The following F11 variants were observed in gnomAD, a reference collection of about 807,000 sequenced individuals.
The protein encoded by F11 is coagualtion factor XI.
F11 carries 78 observed loss-of-function variants against 76.5 expected under a neutral mutation model. That is an observed-to-expected ratio of 1.02 (90% CI 0.85 to 1.23). F11 has a LOEUF of 1.23. Among genes scored for constraint, F11 ranks in the 50% most tolerant of loss-of-function variants. F11 has a pLI of 0.00. For synonymous variants in F11, 278 were observed against 276.3 expected (o/e 1.01, Z -0.06); for missense variants, 742 against 771.4 (o/e 0.96, Z 0.45).
intron 7 of F11, among the ~76,000 whole-genome samples, chr4:186,278,495 C>G (rs1430441050): frequency 6.6e-6 from 1 of 152,076 alleles, no homozygotes; most frequent in African/African-American, 2.4e-5. Flanking sequence ...GCCTATTGGA[C>G]CAGAGTGGAG....
At chr4:186,275,231 C>G in intron 5 of F11, 1 of 454,418 alleles carries the variant, frequency 2.2e-6, no homozygotes, top group Non-Finnish European at 4.4e-6. Flanking sequence ...TGGCTCACAC[C>G]TGTAATCCCA....
At chr4:186,290,020 ATGCTGAGC>A (rs1382994532), downstream of F11, among the ~76,000 whole-genome samples, 1 of 152,148 alleles carries the variant, frequency 6.6e-6, no homozygotes, top group African/African-American at 2.4e-5. Context: ...TGAGAGCATC[ATGCTGAGC>A]TTTGAAGATA....
chr4:186,281,694 A>C (rs1405412561), intron 10 of F11, among the ~76,000 whole-genome samples: 6 of 152,332 alleles, frequency 3.9e-5, no homozygotes, highest in African/African-American at 1.4e-4. Context: ...TATACTGTTT[A>C]TTGCCAAATG....
At chr4:186,273,612 C>G (rs1740147742) in intron 4 of F11, among the ~76,000 whole-genome samples, 1 of 152,052 alleles carries the variant, frequency 6.6e-6, no homozygotes, top group African/African-American at 2.4e-5. Flanking sequence ...ACCAACATTC[C>G]CAGCTAATTT....
chr4:186,286,554 A>G, intron 13 of F11, 44 bp downstream of exon 13: 1 of 1,609,842 alleles, frequency 6.2e-7, no homozygotes. Flanking sequence ...AGAAATGAAG[A>G]GCGGAACCTT....
chr4:186,267,108 A>G (rs745711623), intron 1 of F11, 28 bp from the exon 2 acceptor site: 1 of 1,457,004 alleles, frequency 6.9e-7, no homozygotes, highest in Non-Finnish European at 9.6e-7. Flanking sequence ...TTTATGTTCT[A>G]AAAGCATGCA....
At chr4:186,290,282 A>C (rs951411511), downstream of F11, among the ~76,000 whole-genome samples, 7 of 152,186 alleles carry the variant, frequency 4.6e-5, no homozygotes, top group African/African-American at 1.7e-4. Context: ...AAAAGAGCAA[A>C]ATGACAGTAG....
At chr4:186,284,350 A>T in intron 11 of F11, 90 bp downstream of exon 11, 1 of 1,276,410 alleles carries the variant, frequency 7.8e-7, no homozygotes, top group Non-Finnish European at 1.1e-6. Flanking sequence ...TACTTTAACC[A>T]ATTAGATTGT....
intron 10 of F11, among the ~76,000 whole-genome samples, chr4:186,281,623 A>G (rs1740814411): frequency 6.6e-6 from 1 of 152,220 alleles, no homozygotes; most frequent in Non-Finnish European, 1.5e-5. Flanking sequence ...TCCTGCTTAA[A>G]TTACCATAGT....
rs1741215281 is a variant in F11, at chr4:186,286,467, CA to C, written c.1534del (p.Thr512LeufsTer5). The C allele has an allele frequency of 6.2e-7, 1 of 1,613,796 alleles. No homozygotes were observed. Among genetic ancestry groups the C allele is most frequent in the African/African-American group, 1.3e-5 (1 of 74,892 alleles). On this transcript the variant is annotated frameshift_variant, in exon 13 of 15. Coordinates refer to ENST00000403665, the MANE Select transcript of F11 (RefSeq NM_000128.4). LOFTEE classifies it high-confidence loss of function. ...PSKGDRNVIY[T>X]DCWVTGWGYR... The stretch of plus-strand genomic sequence containing the variant: ...CCAAAGGAGATAGAAATGTAATATA[CA>C]CTGATTGCTGGGTGACTGGATGGGG...
intron 11 of F11, among the ~76,000 whole-genome samples, chr4:186,285,379 T>C (rs1384548069): frequency 6.6e-6 from 1 of 151,740 alleles, no homozygotes. Flanking sequence ...TGTCTGTGTG[T>C]GCGTGTGCGG....
chr4:186,267,871 A>G (rs1739620243), intron 2 of F11, among the ~76,000 whole-genome samples: 1 of 152,222 alleles, frequency 6.6e-6, no homozygotes, highest in Non-Finnish European at 1.5e-5. Context: ...AGGCAAACCT[A>G]GGTGAAGATA....
At position 186,283,042 on chromosome 4, in the gene F11, C is replaced by G. The variant is rs1025735679; in HGVS notation, c.1136-1050C>G. The stretch of plus-strand genomic sequence containing the variant: ...TCAGGACGCGGAGCCTTCTGAGCAC[C>G]TGAGCCTGGTTATTCTAAATGTGAT... On this transcript the variant is annotated intron_variant, in intron 10 of 14. Transcript: ENST00000403665. The G allele has an allele frequency of 7.1e-6, 7 of 985,180 alleles. No homozygotes were observed. The African/African-American group carries it at 1.2e-4, about 17-fold the overall frequency. 61.0% of individuals were successfully genotyped at this position (985,180 alleles called of 1,614,324 possible). A position where few individuals can be genotyped will look rare whatever the true frequency, so the allele number is the denominator to read the frequency against.
intron 5 of F11, chr4:186,275,044 A>T (rs1015807958): frequency 1.0e-5 from 3 of 299,556 alleles, no homozygotes; most frequent in Non-Finnish European, 2.1e-5. Context: ...TGAAAAACAC[A>T]CACACCAAAC....
In F11 at chr4:186,285,627, T is replaced by G; in HGVS notation, c.1305-11T>G. Reference sequence around the variant, plus strand: ...AAGGAAATTTCTTTCCCTCTGTTGTTTGCTCCTTAGGGTAGAGTCACCTAA... The same window carrying G: ...AAGGAAATTTCTTTCCCTCTGTTGTGTGCTCCTTAGGGTAGAGTCACCTAA... On this transcript the variant is annotated splice_polypyrimidine_tract_variant and intron_variant, in intron 11 of 14. Coordinates refer to ENST00000403665, the MANE Select transcript of F11 (RefSeq NM_000128.4). 6.2e-7 allele frequency: 1 copy of G among 1,613,762 alleles called. No homozygotes were observed. The highest frequency in any genetic ancestry group is 1.1e-5 in the South Asian group (1 of 91,064).
intron 13 of F11, 23 bp from the exon 14 acceptor site, chr4:186,287,661 C>G: frequency 6.3e-7 from 1 of 1,589,026 alleles, no homozygotes; most frequent in Non-Finnish European, 8.6e-7. Flanking sequence ...ATTCTACAAA[C>G]GAACCAAAAA....
chr4:186,280,334 G>A lies in F11; in HGVS notation c.977G>A (p.Arg326His), dbSNP rs1554082932. The A allele has an allele frequency of 1.1e-5, 18 of 1,614,114 alleles. No homozygotes were observed. The highest frequency in any genetic ancestry group is 3.3e-4 in the Middle Eastern group (2 of 6,060). ...ACQKLCTNAVRCQFFTYTPAQ... is the reference protein window; with the variant it reads ...ACQKLCTNAVHCQFFTYTPAQ... ...CAGAAACTGTGCACCAATGCCGTCC[G>A]CTGCCAGTTTTTTACCTATACCCCA... Residue 326 changes from arginine (R) to histidine (H), a missense_variant, in exon 9 of 15, where the codon CGC becomes CAC. Coordinates refer to ENST00000403665, the MANE Select transcript of F11 (RefSeq NM_000128.4).
chr4:186,276,151 T>C (rs1740358556), intron 6 of F11, 80 bp from the exon 7 acceptor site: 1 of 1,529,058 alleles, frequency 6.5e-7, no homozygotes, highest in Non-Finnish European at 9.0e-7. Context: ...TTTTTTAATA[T>C]GGAATTTACA....
At chr4:186,280,693 C>T (rs1256232426) in intron 10 of F11, 113 bp downstream of exon 10, 35 of 988,090 alleles carry the variant, frequency 3.5e-5, no homozygotes, top group Non-Finnish European at 5.3e-5. Flanking sequence ...CAGGAAATAA[C>T]AAATTTTGCA....
Sources: gnomAD v4.1 joint callset for allele counts (sites outside exome capture counted in the v4.1 genomes callset) on GRCh38, gnomAD v4.1.1 for gene constraint, MANE v1.5 for transcripts, NCBI Gene and HGNC (gene_info 2026-07-23, HGNC 2026-07-21) for gene names.